Variants in PLXNA2 observed in about 807,000 individuals in gnomAD.
The protein encoded by PLXNA2 is plexin-A2.
Under a neutral mutation model 193.5 loss-of-function variants are expected in PLXNA2, and 91 were observed. The observed-to-expected ratio is 0.47, with a 90% CI of 0.40 to 0.56. The LOEUF is 0.56. Ranked by LOEUF, PLXNA2 falls within the 20% of genes least tolerant of loss-of-function variation. PLXNA2 has a pLI of 0.00. For missense variants in PLXNA2, 1,995 were observed against 2,503.2 expected (o/e 0.80, Z 4.33); for synonymous variants, 997 against 1,027.3 (o/e 0.97, Z 0.56).
At chr1:208,222,182 C>T (rs1671359079) in intron 1 of PLXNA2, among the ~76,000 whole-genome samples, 1 of 152,194 alleles carries the variant, frequency 6.6e-6, no homozygotes, top group South Asian at 2.1e-4. Context: ...ACTTTGCATA[C>T]CCAGTGTGAC....
intron 4 of PLXNA2, among the ~76,000 whole-genome samples, chr1:208,115,419 T>C (rs1037125921): frequency 2.6e-5 from 4 of 152,150 alleles, no homozygotes; most frequent in African/African-American, 9.7e-5. Context: ...TATCTGCAGC[T>C]GAAGAAGAAA....
chr1:208,239,102 G>C (rs1671961754), intron 1 of PLXNA2, among the ~76,000 whole-genome samples: 1 of 151,922 alleles, frequency 6.6e-6, no homozygotes, highest in African/African-American at 2.4e-5. Flanking sequence ...TCTCTGGGAA[G>C]TGACGGCTGG....
intron 3 of PLXNA2, among the ~76,000 whole-genome samples, chr1:208,155,474 C>G (rs1385443648): frequency 1.3e-5 from 2 of 152,188 alleles, no homozygotes; most frequent in East Asian, 3.8e-4. Flanking sequence ...CCTCCCACAC[C>G]CCCACTCTTC....
intron 9 of PLXNA2, among the ~76,000 whole-genome samples, chr1:208,092,327 C>A (rs1456680924): frequency 1.3e-5 from 2 of 152,204 alleles, no homozygotes; most frequent in African/African-American, 4.8e-5. Flanking sequence ...AGTTATACAT[C>A]AGAGTCAAAG....
chr1:208,028,004 C>G lies in PLXNA2; in HGVS notation c.5589+5G>C. 1 of 1,570,156 alleles carries G rather than the reference C, an allele frequency of 6.4e-7. No individual in the cohort carries two copies. The highest frequency in any genetic ancestry group is 1.2e-5 in the South Asian group (1 of 84,678). On this transcript the variant is annotated splice_donor_5th_base_variant and intron_variant, in intron 31 of 31. Transcript: ENST00000367033. This position sits in a 1 kb window ranked among gnomAD's most constrained non-coding sequence, Gnocchi z 4.2. ...GTTTCTGTCCCTGCTGGGGCCCTGT[C>G]TCACCTCCTCACTATACTTGCTGAC...
chr1:208,237,331 A>G (rs894903083), intron 1 of PLXNA2, among the ~76,000 whole-genome samples: 3 of 152,050 alleles, frequency 2.0e-5, no homozygotes, highest in Admixed American at 6.6e-5. Context: ...ATAAGAGTAG[A>G]TGCATAATAG....
At chr1:208,147,342 A>G (rs981788707) in intron 3 of PLXNA2, among the ~76,000 whole-genome samples, 1 of 152,214 alleles carries the variant, frequency 6.6e-6, no homozygotes, top group Non-Finnish European at 1.5e-5. Context: ...ACATGAGGAC[A>G]TTTAGTCTAG....
intron 1 of PLXNA2, among the ~76,000 whole-genome samples, chr1:208,222,520 C>T (rs1302604943): frequency 4.6e-5 from 7 of 152,154 alleles, no homozygotes; most frequent in Admixed American, 1.3e-4. Context: ...ATGTGGAGGG[C>T]CCGATGACAC....
intron 4 of PLXNA2, among the ~76,000 whole-genome samples, chr1:208,113,241 G>C (rs1436330203): frequency 6.6e-6 from 1 of 152,162 alleles, no homozygotes; most frequent in Admixed American, 6.5e-5. Flanking sequence ...CCCCAGGAGG[G>C]GGAAAGGTGA....
At position 208,082,618 on chromosome 1, in the gene PLXNA2, G is replaced by C; in HGVS notation, c.2299-110C>G. 1.3e-6 allele frequency: 1 copy of C among 788,590 alleles called. No individual in the cohort carries two copies. Among genetic ancestry groups the C allele is most frequent in the Non-Finnish European group, 2.1e-6 (1 of 467,710 alleles). 48.8% of individuals were successfully genotyped at this position (788,590 alleles called of 1,614,324 possible). On this transcript the variant is annotated intron_variant, in intron 10 of 31. Coordinates refer to ENST00000367033, the MANE Select transcript of PLXNA2 (RefSeq NM_025179.4). This position sits in a 1 kb window ranked among gnomAD's most constrained non-coding sequence, Gnocchi z 4.2. ...CAGATTATTATGACGCTCTTTCCCT[G>C]AATCCCAGTCACTAATGCCAAGAGA...
At chr1:208,124,360 G>C (rs1033726424) in intron 4 of PLXNA2, among the ~76,000 whole-genome samples, 1 of 151,984 alleles carries the variant, frequency 6.6e-6, no homozygotes, top group Non-Finnish European at 1.5e-5. Flanking sequence ...ATGTACCCCC[G>C]AACCTTAAAT....
intron 12 of PLXNA2, among the ~76,000 whole-genome samples, chr1:208,077,729 C>G (rs1666206650): frequency 6.6e-6 from 1 of 152,254 alleles, no homozygotes; most frequent in Non-Finnish European, 1.5e-5. Flanking sequence ...ACCAACAGCC[C>G]CTGCAAACAT....
chr1:208,068,310 G>A (rs1665863529), intron 12 of PLXNA2, among the ~76,000 whole-genome samples: 1 of 152,200 alleles, frequency 6.6e-6, no homozygotes, highest in South Asian at 2.1e-4. Context: ...TTGCTTGAGA[G>A]TGATGTAGTA....
chr1:208,218,182 C>T (rs1252669556), intron 1 of PLXNA2, 180 bp from the exon 2 acceptor site: 1 of 598,330 alleles, frequency 1.7e-6, no homozygotes, highest in Non-Finnish European at 2.9e-6. Context: ...ATCCTGTTAT[C>T]TATTTTGGTC....
chr1:208,208,736 T>C (rs906493562), intron 3 of PLXNA2, among the ~76,000 whole-genome samples: 19 of 152,186 alleles, frequency 1.2e-4, no homozygotes, highest in African/African-American at 4.3e-4. Flanking sequence ...GTGGTCCCTA[T>C]GGGTAGATGA....
intron 15 of PLXNA2, 130 bp from the exon 16 acceptor site, chr1:208,051,553 T>C (rs1665262400): frequency 1.5e-6 from 1 of 672,622 alleles, no homozygotes; most frequent in Non-Finnish European, 2.5e-6. Flanking sequence ...TTTTATATTC[T>C]ACAACAATGG....
In PLXNA2 at chr1:208,082,396, G is replaced by A. The variant is rs371580158; in HGVS notation, c.2395+16C>T. ...TCGTGAAAAGATCAAACTTCTACCC[G>A]GAAGTAGCCGCTTACCTTTCAGGTC... On this transcript the variant is annotated intron_variant, in intron 11 of 31. Coordinates refer to ENST00000367033, the MANE Select transcript of PLXNA2 (RefSeq NM_025179.4). This position sits in a 1 kb window ranked among gnomAD's most constrained non-coding sequence, Gnocchi z 4.2. 64 of 1,606,298 alleles carry A rather than the reference G, an allele frequency of 4.0e-5. No homozygotes were observed. Among genetic ancestry groups the A allele is most frequent in the African/African-American group, 5.4e-5 (4 of 74,734 alleles).
intron 5 of PLXNA2, 98 bp downstream of exon 5, chr1:208,103,049 C>A (rs998823271): frequency 3.2e-5 from 17 of 532,928 alleles, no homozygotes; most frequent in Middle Eastern, 3.1e-4. Context: ...CTGAAGAGGA[C>A]AATTCCTCTC....
chr1:208,183,556 C>A (rs868093640), intron 3 of PLXNA2, among the ~76,000 whole-genome samples: 1 of 135,320 alleles, frequency 7.4e-6, no homozygotes, highest in South Asian at 2.4e-4. Flanking sequence ...AGCGTCCCCA[C>A]TGGGGTCCCT....
Sources: allele counts gnomAD v4.1 joint callset (sites outside exome capture counted in the v4.1 genomes callset), GRCh38; gene constraint gnomAD v4.1.1; non-coding constraint Gnocchi (gnomAD v3.1); transcripts MANE v1.5; gene names NCBI Gene and HGNC (gene_info 2026-07-23, HGNC 2026-07-21).